Variants in TBC1D9 observed in about 807,000 individuals in gnomAD.
TBC1D9 encodes the protein TBC1 domain family member 9.
TBC1D9 carries 63 observed loss-of-function variants against 132.0 expected under a neutral mutation model. The ratio of observed to expected loss-of-function variants is 0.48; its 90% CI spans 0.39 to 0.59. The LOEUF is 0.59. Ranked by LOEUF, TBC1D9 falls within the 20% of genes least tolerant of loss-of-function variation. The pLI, the probability that TBC1D9 is intolerant of heterozygous loss-of-function variation, is 0.00. For synonymous variants in TBC1D9, 610 were observed against 609.9 expected (o/e 1.00, Z 0.00); for missense variants, 1,261 against 1,592.7 (o/e 0.79, Z 3.54).
chr4:140,698,140 A>G (rs1738004317), intron 2 of TBC1D9, among the ~76,000 whole-genome samples: 1 of 152,150 alleles, frequency 6.6e-6, no homozygotes, highest in South Asian at 2.1e-4. Flanking sequence ...ATGCTTTCCC[A>G]ATCAACTACG....
At chr4:140,715,296 T>C (rs1738317709) in intron 1 of TBC1D9, among the ~76,000 whole-genome samples, 1 of 152,208 alleles carries the variant, frequency 6.6e-6, no homozygotes, top group African/African-American at 2.4e-5. Context: ...TCAGGTTTAC[T>C]TTGGAATCCC....
At chr4:140,649,006 C>G (rs1239434075) in intron 13 of TBC1D9, among the ~76,000 whole-genome samples, 6 of 152,198 alleles carry the variant, frequency 3.9e-5, no homozygotes, top group Admixed American at 1.3e-4. Flanking sequence ...CAAAGCTTAC[C>G]CTGTGTTACC....
chr4:140,725,871 A>G (rs1170682859), intron 1 of TBC1D9, among the ~76,000 whole-genome samples: 1 of 152,194 alleles, frequency 6.6e-6, no homozygotes, highest in African/African-American at 2.4e-5. Context: ...AATAAATACA[A>G]TGGTGACCTA....
At chr4:140,694,951 C>T (rs970622089) in intron 2 of TBC1D9, among the ~76,000 whole-genome samples, 5 of 152,030 alleles carry the variant, frequency 3.3e-5, no homozygotes, top group East Asian at 1.9e-4. Flanking sequence ...TCTAAAGATA[C>T]GAGAATAGTC....
intron 2 of TBC1D9, among the ~76,000 whole-genome samples, chr4:140,691,819 TG>T (rs759812391): frequency 4.9e-4 from 74 of 152,246 alleles, no homozygotes; most frequent in Non-Finnish European, 9.1e-4. Context: ...TTGTCTGCAA[TG>T]ATGAAAAATA....
rs777895920 is a variant in TBC1D9 at position 140,633,499 on chromosome 4, G to A, written c.2746+449C>T. Among the ~76,000 whole-genome samples the A allele has an allele frequency of 1.6e-4, 24 of 152,236 alleles. 1 individual carries two copies. The highest frequency in any genetic ancestry group is 2.0e-4 in the Admixed American group (3 of 15,298). On this transcript the variant is annotated intron_variant, in intron 16 of 20. Coordinates refer to ENST00000442267, the MANE Select transcript of TBC1D9 (RefSeq NM_015130.3). ...GAGAGAAAAGACTTCCATTTAGGCC[G>A]CAGGGCTGCTGTGATGCTCCTTTAT...
intron 4 of TBC1D9, 29 bp from the exon 5 acceptor site, chr4:140,679,232 C>T (rs201391616): frequency 7.5e-6 from 12 of 1,592,734 alleles, no homozygotes; most frequent in African/African-American, 5.4e-5. Context: ...CCTGGGTCAA[C>T]ATCTGATTCC....
intron 13 of TBC1D9, among the ~76,000 whole-genome samples, chr4:140,654,159 A>G (rs1333067005): frequency 2.0e-5 from 3 of 152,242 alleles, no homozygotes; most frequent in East Asian, 1.9e-4. Context: ...TTGCCATGAG[A>G]GCACACCTGA....
At chr4:140,644,760 T>G in intron 13 of TBC1D9, 1 of 400,852 alleles carries the variant, frequency 2.5e-6, no homozygotes, top group Non-Finnish European at 4.9e-6. Flanking sequence ...GGCTGCAGCC[T>G]GGAGAGTACA....
chr4:140,675,466 G>A (rs1737609255), intron 6 of TBC1D9, among the ~76,000 whole-genome samples: 1 of 152,080 alleles, frequency 6.6e-6, no homozygotes, highest in Non-Finnish European at 1.5e-5. Context: ...GAAACTGCAG[G>A]GCTGCTGGCC....
chr4:140,729,511 G>A (rs374802062), intron 1 of TBC1D9, among the ~76,000 whole-genome samples: 2 of 152,032 alleles, frequency 1.3e-5, no homozygotes, highest in Admixed American at 6.6e-5. Flanking sequence ...TTTCAAAATA[G>A]AATAAAAAAT....
intron 18 of TBC1D9, among the ~76,000 whole-genome samples, chr4:140,626,159 T>C (rs1273624567): frequency 6.6e-6 from 1 of 152,218 alleles, no homozygotes; most frequent in Non-Finnish European, 1.5e-5. Flanking sequence ...TGGTGAAAAG[T>C]AATTGTGGTT....
chr4:140,713,494 T>C (rs750577467), intron 1 of TBC1D9, among the ~76,000 whole-genome samples: 28 of 152,060 alleles, frequency 1.8e-4, no homozygotes, highest in Non-Finnish European at 3.5e-4. Flanking sequence ...CCCAGGACTT[T>C]GGGAGGCCAA....
At chr4:140,687,663 T>A (rs1439308870) in intron 2 of TBC1D9, among the ~76,000 whole-genome samples, 2 of 151,584 alleles carry the variant, frequency 1.3e-5, no homozygotes, top group Non-Finnish European at 2.9e-5. Context: ...AGAAAGAAAT[T>A]CAGGAGAGAG....
intron 1 of TBC1D9, among the ~76,000 whole-genome samples, chr4:140,719,914 G>A (rs1407538441): frequency 3.3e-5 from 5 of 152,102 alleles, no homozygotes; most frequent in Admixed American, 2.6e-4. Context: ...TAAGAACCTG[G>A]GTGGAATCCC....
At chr4:140,652,308 T>G (rs1737199555) in intron 13 of TBC1D9, among the ~76,000 whole-genome samples, 1 of 152,088 alleles carries the variant, frequency 6.6e-6, no homozygotes, top group East Asian at 1.9e-4. Flanking sequence ...TTGCATCTCC[T>G]GGGTCTTTCC....
At chr4:140,645,373 G>C in intron 13 of TBC1D9, 1 of 470,536 alleles carries the variant, frequency 2.1e-6, no homozygotes, top group African/African-American at 2.0e-5. Flanking sequence ...GGCGGGTGTC[G>C]CACTTCTGCT....
rs770784154 is a variant in TBC1D9, at chr4:140,623,016, G to T, written c.3079-99C>A. The T allele has an allele frequency of 4.9e-4, 677 of 1,385,302 alleles. 3 individuals carry two copies. The highest frequency in any genetic ancestry group is 1.2e-4 in the Non-Finnish European group (130 of 1,063,146). 85.8% of individuals were successfully genotyped at this position (1,385,302 alleles called of 1,614,324 possible). ...AGCCATTTAAATGAGAACGCCTAAA[G>T]ATCCCTGGAAAGTCCTCCGCCTAGG... is the stretch of plus-strand genomic sequence containing the variant. On this transcript the variant is annotated intron_variant, in intron 20 of 20. Transcript: ENST00000442267.
intron 13 of TBC1D9, among the ~76,000 whole-genome samples, chr4:140,641,136 C>T (rs932256772): frequency 1.3e-4 from 18 of 141,908 alleles, no homozygotes; most frequent in Admixed American, 5.6e-4. Context: ...GAGCATATTC[C>T]GTGAGATTCC....
Sources: gnomAD v4.1 joint callset for allele counts (sites outside exome capture counted in the v4.1 genomes callset) on GRCh38, gnomAD v4.1.1 for gene constraint, MANE v1.5 for transcripts, NCBI Gene and HGNC (gene_info 2026-07-23, HGNC 2026-07-21) for gene names.